COG6: variants seen among roughly 807,000 people sequenced by gnomAD.
COG6 encodes component of oligomeric golgi complex 6.
COG6 carries 74 observed loss-of-function variants against 88.8 expected under a neutral mutation model. The ratio of observed to expected loss-of-function variants is 0.83; its 90% CI spans 0.69 to 1.01. The LOEUF is 1.01. COG6 is among the 50% of genes least tolerant of loss of function. COG6 has a pLI of 0.00. For synonymous variants in COG6, 286 were observed against 278.7 expected (o/e 1.03, Z -0.26); for missense variants, 800 against 797.9 (o/e 1.00, Z -0.03).
intron 13 of COG6, among the ~76,000 whole-genome samples, chr13:39,705,651 GA>G (rs546701103): frequency 2.0e-5 from 3 of 150,088 alleles, no homozygotes; most frequent in Non-Finnish European, 3.0e-5. Flanking sequence ...GTCCTCTGGA[GA>G]AAAAAAAACA....
At chr13:39,708,818 G>C (rs1334210396) in intron 13 of COG6, among the ~76,000 whole-genome samples, 4 of 152,136 alleles carry the variant, frequency 2.6e-5, no homozygotes, top group Admixed American at 2.0e-4. Flanking sequence ...TAGGTTACCT[G>C]AGACTTTTAT....
chr13:39,702,407 TTA>T (rs776839631), intron 13 of COG6, among the ~76,000 whole-genome samples: 9 of 151,948 alleles, frequency 5.9e-5, no homozygotes, highest in African/African-American at 1.2e-4. Context: ...AATTCAGCAT[TTA>T]TATATTAAAA....
chr13:39,714,120 GA>G (rs562161180), intron 13 of COG6, among the ~76,000 whole-genome samples: 13 of 151,938 alleles, frequency 8.6e-5, no homozygotes, highest in East Asian at 5.8e-4. Context: ...TTTCAAGGGG[GA>G]AAAAAATTTC....
At chr13:39,711,490 G>C (rs560717776) in intron 13 of COG6, among the ~76,000 whole-genome samples, 62 of 151,858 alleles carry the variant, frequency 4.1e-4, no homozygotes, top group African/African-American at 1.4e-3. Context: ...GCTTGGGTGA[G>C]AGTCTAAGCT....
chr13:39,710,774 A>G (rs1437069840), intron 13 of COG6, among the ~76,000 whole-genome samples: 3 of 152,096 alleles, frequency 2.0e-5, no homozygotes, highest in Admixed American at 2.0e-4. Context: ...TGTATTTCAT[A>G]CAAACTCTAA....
chr13:39,675,783 T>C (rs576579929), intron 4 of COG6, among the ~76,000 whole-genome samples: 1 of 152,252 alleles, frequency 6.6e-6, no homozygotes, highest in African/African-American at 2.4e-5. Context: ...AAAAACATTT[T>C]ATTTCACATG....
At chr13:39,661,913 G>GT (rs1271963114) in intron 3 of COG6, among the ~76,000 whole-genome samples, 14 of 151,164 alleles carry the variant, frequency 9.3e-5, no homozygotes, top group Non-Finnish European at 1.6e-4. Flanking sequence ...GTACTTTTGT[G>GT]TTTTTTAAAT....
chr13:39,719,712 G>A lies in COG6; in HGVS notation c.1469G>A (p.Ser490Asn). 6.2e-7 allele frequency: 1 copy of A among 1,612,786 alleles called. No homozygotes were observed. The highest frequency in any genetic ancestry group is 8.5e-7 in the Non-Finnish European group (1 of 1,179,100). The change falls in exon 15 of 19, where the codon AGC (serine) becomes AAC (asparagine). Residue 490 changes from serine to asparagine, a missense_variant. Transcript: ENST00000455146. ...CTACAGATGTGTACTGTATCAGCCA[G>A]CAATTTAGGCACAGCTGACATGGCC... ...PLLQMCTVSA[S>N]NLGTADMATF...
chr13:39,748,532 T>C (rs1177231891), intron 18 of COG6, among the ~76,000 whole-genome samples: 1 of 151,938 alleles, frequency 6.6e-6, no homozygotes, highest in African/African-American at 2.4e-5. Flanking sequence ...GGAGAATCAC[T>C]TGAACCGGGA....
At chr13:39,729,791 A>G (rs890937550) in intron 18 of COG6, among the ~76,000 whole-genome samples, 2 of 152,200 alleles carry the variant, frequency 1.3e-5, no homozygotes, top group East Asian at 1.9e-4. Flanking sequence ...CAATCTTTTC[A>G]AAGAGCAGTT....
At chr13:39,656,684 A>G (rs892134675) in intron 1 of COG6, 4 of 361,668 alleles carry the variant, frequency 1.1e-5, no homozygotes, top group African/African-American at 8.5e-5. Context: ...TAACAATTTG[A>G]TTCCGATATG....
chr13:39,665,896 T>C (rs75660769), intron 4 of COG6, among the ~76,000 whole-genome samples: 9,426 of 152,284 alleles, frequency 0.062, 389 homozygotes, highest in Non-Finnish European at 0.095. Context: ...GACCACAGGT[T>C]ATCAAACTAT....
intron 15 of COG6, 36 bp from the exon 16 acceptor site, chr13:39,723,297 C>A (rs962157776): frequency 3.0e-6 from 4 of 1,349,084 alleles, no homozygotes; most frequent in African/African-American, 1.4e-5. Context: ...CAGTGTCATT[C>A]TTCTTTTAAA....
intron 18 of COG6, among the ~76,000 whole-genome samples, chr13:39,742,537 T>G (rs945425275): frequency 1.3e-5 from 2 of 151,976 alleles, no homozygotes; most frequent in Non-Finnish European, 2.9e-5. Flanking sequence ...AGGGATCAAT[T>G]CAACAAGAAG....
chr13:39,788,097 C>T (rs1204510069), intron 18 of COG6, among the ~76,000 whole-genome samples: 2 of 152,146 alleles, frequency 1.3e-5, no homozygotes, highest in Admixed American at 6.5e-5. Context: ...CTCGAAATGC[C>T]ATGCTTAGAG....
chr13:39,706,468 A>G (rs1161038534), intron 13 of COG6, among the ~76,000 whole-genome samples: 2 of 151,584 alleles, frequency 1.3e-5, no homozygotes, highest in African/African-American at 4.8e-5. Context: ...AGTGGGATGA[A>G]GTTGTAGGAA....
chr13:39,762,588 A>G (rs1881049908), intron 18 of COG6, among the ~76,000 whole-genome samples: 1 of 151,752 alleles, frequency 6.6e-6, no homozygotes, highest in Non-Finnish European at 1.5e-5. Flanking sequence ...ATCATTACAC[A>G]TGGATACATG....
chr13:39,699,214 A>G (rs932424472), intron 12 of COG6, among the ~76,000 whole-genome samples: 2 of 134,548 alleles, frequency 1.5e-5, no homozygotes, highest in Non-Finnish European at 3.6e-5. Flanking sequence ...AAATAGAGAT[A>G]GGGTTTTATA....
intron 18 of COG6, among the ~76,000 whole-genome samples, chr13:39,764,453 T>C (rs901860732): frequency 4.6e-5 from 7 of 151,792 alleles, no homozygotes; most frequent in Non-Finnish European, 8.9e-5. Context: ...GCTTATATTA[T>C]TGATTTTCAG....
Sources: gnomAD v4.1 joint callset for allele counts (sites outside exome capture counted in the v4.1 genomes callset) on GRCh38, gnomAD v4.1.1 for gene constraint, MANE v1.5 for transcripts, NCBI Gene and HGNC (gene_info 2026-07-23, HGNC 2026-07-21) for gene names.